Variants in TAFA1 observed in about 807,000 individuals in gnomAD.
TAFA1 encodes chemokine-like protein TAFA-1.
In TAFA1, 4 loss-of-function variants were observed where a neutral mutation model predicts 18.5. The observed-to-expected ratio is 0.22, with a 90% CI of 0.11 to 0.49. TAFA1 has a LOEUF of 0.49. TAFA1 is among the 20% of genes least tolerant of loss of function. The pLI, the probability that TAFA1 is intolerant of heterozygous loss-of-function variation, is 0.98. For missense variants in TAFA1, 147 were observed against 169.0 expected (o/e 0.87, Z 0.72); for synonymous variants, 56 against 55.2 (o/e 1.01, Z -0.06).
At chr3:68,456,876 A>G (rs968234346) in intron 3 of TAFA1, among the ~76,000 whole-genome samples, 1 of 152,120 alleles carries the variant, frequency 6.6e-6, no homozygotes, top group African/African-American at 2.4e-5. Flanking sequence ...AAGCAATTCA[A>G]CTTTTTCTTG....
chr3:68,271,348 C>T (rs1381825558), intron 2 of TAFA1, among the ~76,000 whole-genome samples: 1 of 152,056 alleles, frequency 6.6e-6, no homozygotes, highest in Non-Finnish European at 1.5e-5. Context: ...TTGCCTTACT[C>T]ACACTCCATA....
At position 68,115,845 on chromosome 3, in the gene TAFA1, G is replaced by A. The variant is rs185901107; in HGVS notation, c.118+109101G>A. ...ATGTAACTAGGGATGAATTAGAATTGCTTGTAATCCTTGTGTAACACATGT... is the reference window on the plus strand; with the variant it reads ...ATGTAACTAGGGATGAATTAGAATTACTTGTAATCCTTGTGTAACACATGT... On this transcript the variant is annotated intron_variant, in intron 2 of 4. Coordinates refer to ENST00000478136, the MANE Select transcript of TAFA1 (RefSeq NM_213609.4). Among the ~76,000 whole-genome samples the A allele has an allele frequency of 8.1e-4, 124 of 152,290 alleles. 1 individual carries two copies. The highest frequency in any genetic ancestry group is 3.4e-3 in the Middle Eastern group (1 of 294).
At chr3:68,540,160 T>G (rs1330065638) in intron 4 of TAFA1, among the ~76,000 whole-genome samples, 1 of 152,202 alleles carries the variant, frequency 6.6e-6, no homozygotes, top group African/African-American at 2.4e-5. Context: ...AAACTTATTT[T>G]TCACATATAA....
intron 2 of TAFA1, among the ~76,000 whole-genome samples, chr3:68,314,951 T>C (rs956411089): frequency 6.7e-6 from 1 of 149,110 alleles, no homozygotes; most frequent in Non-Finnish European, 1.5e-5. Context: ...TTTATCACTA[T>C]ATAACATTGA....
At chr3:68,389,044 A>T (rs1169740543) in intron 2 of TAFA1, among the ~76,000 whole-genome samples, 2 of 152,218 alleles carry the variant, frequency 1.3e-5, no homozygotes, top group African/African-American at 4.8e-5. Flanking sequence ...AATTAAAATA[A>T]AACTGTGGGT....
intron 2 of TAFA1, among the ~76,000 whole-genome samples, chr3:68,104,537 T>G (rs938207987): frequency 3.9e-5 from 6 of 152,106 alleles, no homozygotes; most frequent in Admixed American, 1.3e-4. Flanking sequence ...TTAAACAAAT[T>G]ACATTCAAAT....
intron 2 of TAFA1, among the ~76,000 whole-genome samples, chr3:68,164,432 A>G (rs917760483): frequency 1.4e-4 from 21 of 152,220 alleles, no homozygotes; most frequent in Admixed American, 7.2e-4. Context: ...AGTTTTGAAT[A>G]AATCCTTTTT....
intron 2 of TAFA1, among the ~76,000 whole-genome samples, chr3:68,214,180 T>C (rs114315349): frequency 0.01 from 1,589 of 152,214 alleles, 29 homozygotes; most frequent in African/African-American, 0.035. Flanking sequence ...CATCAACAAC[T>C]CTTGACACTC....
chr3:68,398,643 T>C (rs2070431026), intron 2 of TAFA1, among the ~76,000 whole-genome samples: 1 of 152,192 alleles, frequency 6.6e-6, no homozygotes, highest in African/African-American at 2.4e-5. Context: ...GGAAGAAAAC[T>C]TTAACCTTAG....
At chr3:68,302,018 T>A (rs918237859) in intron 2 of TAFA1, among the ~76,000 whole-genome samples, 1 of 152,246 alleles carries the variant, frequency 6.6e-6, no homozygotes, top group Admixed American at 6.5e-5. Flanking sequence ...TATTAATTAC[T>A]CATTTTTATA....
intron 2 of TAFA1, among the ~76,000 whole-genome samples, chr3:68,093,528 C>A: frequency 6.6e-6 from 1 of 152,028 alleles, no homozygotes; most frequent in East Asian, 1.9e-4. Context: ...TATATTATCC[C>A]AATCATCCCA....
At chr3:68,100,388 G>A (rs1205638768) in intron 2 of TAFA1, among the ~76,000 whole-genome samples, 1 of 152,090 alleles carries the variant, frequency 6.6e-6, no homozygotes, top group Admixed American at 6.6e-5. Flanking sequence ...GGAGGCTGAG[G>A]CAGGGCAATT....
chr3:68,485,569 T>C (rs1275524151), intron 3 of TAFA1, among the ~76,000 whole-genome samples: 1 of 152,242 alleles, frequency 6.6e-6, no homozygotes, highest in Non-Finnish European at 1.5e-5. Flanking sequence ...TCAATTCCTC[T>C]ATTTCCTTTG....
chr3:68,010,208 G>A (rs987197214), intron 2 of TAFA1, among the ~76,000 whole-genome samples: 4 of 152,144 alleles, frequency 2.6e-5, no homozygotes, highest in Admixed American at 2.6e-4. Flanking sequence ...CTTAGGAATG[G>A]CTCCCCCCAA....
At chr3:68,080,543 T>C (rs1038941540) in intron 2 of TAFA1, among the ~76,000 whole-genome samples, 2 of 152,200 alleles carry the variant, frequency 1.3e-5, no homozygotes, top group Admixed American at 1.3e-4. Flanking sequence ...TGCTTGTCTG[T>C]AAAGTATTTT....
At position 68,088,968 on chromosome 3, in the gene TAFA1, A is replaced by G. The variant is rs114800535; in HGVS notation, c.118+82224A>G. Among the ~76,000 whole-genome samples, 417 of 152,260 alleles carry G rather than the reference A, an allele frequency of 2.7e-3. 3 individuals carry two copies. The highest frequency in any genetic ancestry group is 9.6e-3 in the African/African-American group (401 of 41,564). ...GGGGAGAGGGAAGGAGATGTTCAAT[A>G]TAACTCTACGGTTTTTGGCCCAATC... On this transcript the variant is annotated intron_variant, in intron 2 of 4. Transcript: ENST00000478136.
At chr3:68,365,735 A>C (rs544921777) in intron 2 of TAFA1, among the ~76,000 whole-genome samples, 1 of 152,280 alleles carries the variant, frequency 6.6e-6, no homozygotes, top group Non-Finnish European at 1.5e-5. Flanking sequence ...AAAGGCACAT[A>C]ATACATGATA....
chr3:68,354,228 T>C (rs987340005), intron 2 of TAFA1, among the ~76,000 whole-genome samples: 3 of 152,032 alleles, frequency 2.0e-5, no homozygotes, highest in African/African-American at 4.8e-5. Flanking sequence ...TTTCTTTTAA[T>C]GGAATTGTCA....
intron 2 of TAFA1, among the ~76,000 whole-genome samples, chr3:68,230,506 T>G (rs1408807940): frequency 6.6e-6 from 1 of 152,230 alleles, no homozygotes; most frequent in Non-Finnish European, 1.5e-5. Context: ...CACATTTTCT[T>G]TATTCATTCA....
Sources: gnomAD v4.1 joint callset for allele counts (sites outside exome capture counted in the v4.1 genomes callset) on GRCh38, gnomAD v4.1.1 for gene constraint, MANE v1.5 for transcripts, NCBI Gene and HGNC (gene_info 2026-07-23, HGNC 2026-07-21) for gene names.